The following TRPV3 variants were observed in gnomAD, a reference collection of about 807,000 sequenced individuals.
TRPV3 encodes the protein VRL-3.
In TRPV3, 88 loss-of-function variants were observed where a neutral mutation model predicts 87.1. The ratio of observed to expected loss-of-function variants is 1.01; its 90% CI spans 0.85 to 1.21. The LOEUF is 1.21. TRPV3 is among the 50% of genes most tolerant of loss of function. TRPV3 has a pLI of 0.00. For missense variants in TRPV3, 1,054 were observed against 1,030.1 expected, an observed-to-expected ratio of 1.02 and a Z score of -0.32; for synonymous variants, 438 against 423.3, an observed-to-expected ratio of 1.03 and a Z score of -0.43.
In TRPV3 at chr17:3,526,926, C is replaced by A. The variant is rs1366363713; in HGVS notation, c.1505G>T (p.Gly502Val). The A allele has an allele frequency of 1.9e-6, 3 of 1,610,502 alleles. No homozygotes were observed. The highest frequency in any genetic ancestry group is 1.7e-5 in the Admixed American group (1 of 59,524). ...GGGTCTCAGCAGGAAGATGGCAATG[C>A]CCTAAGGCCAGGAAGGAAAGAAACA... ...IWAMCISVKE[G>V]IAIFLLRPSD... Residue 502 changes from glycine to valine, a missense_variant and splice_region_variant, in exon 12 of 18, where the codon GGC (glycine) becomes GTC (valine). Coordinates refer to ENST00000576742, the MANE Select transcript of TRPV3 (RefSeq NM_145068.4).
rs143393283 is a variant in TRPV3, at chr17:3,549,236, T to G, written c.120-3965A>C. On this transcript the variant is annotated intron_variant, in intron 2 of 17. Coordinates refer to ENST00000576742, the MANE Select transcript of TRPV3 (RefSeq NM_145068.4). ...CCCTACCTGTCTGCATTCCTCAGTGTTGCATTTACTCAACAAATATTTATT... is the reference window on the plus strand; with the variant it reads ...CCCTACCTGTCTGCATTCCTCAGTGGTGCATTTACTCAACAAATATTTATT... 1.6e-3 allele frequency among the ~76,000 whole-genome samples: 247 copies of G among 152,308 alleles called. 1 individual carries two copies. The highest frequency in any genetic ancestry group is 5.2e-3 in the African/African-American group (217 of 41,562).
rs369153784 is a variant in TRPV3 at position 3,530,026 on chromosome 17, C to T, written c.1242+1G>A. On this transcript the variant is annotated splice_donor_variant, in intron 9 of 17. Coordinates refer to ENST00000576742, the MANE Select transcript of TRPV3 (RefSeq NM_145068.4). LOFTEE classifies it high-confidence loss of function. This position sits in a 1 kb window ranked among gnomAD's most constrained non-coding sequence, Gnocchi z 4.0. ...CTTCCCCGCCTGTGCAGGAGACCCACGTCGATGTTGGTGTTGTAGACAGTG... is the reference window on the plus strand; with the variant it reads ...CTTCCCCGCCTGTGCAGGAGACCCATGTCGATGTTGGTGTTGTAGACAGTG... 59 of 1,610,938 alleles carry T rather than the reference C, an allele frequency of 3.7e-5. 2 individuals carry two copies. The highest frequency in any genetic ancestry group is 3.3e-4 in the Middle Eastern group (2 of 6,048).
rs557070749 is a variant in TRPV3, at chr17:3,528,415, T to G, written c.1402-289A>C. Reference sequence around the variant, plus strand: ...CCGGAACCCATCCATATCCAGGCACTCAACATGGCCTCACAGCACCGTTAA... The same window carrying G: ...CCGGAACCCATCCATATCCAGGCACGCAACATGGCCTCACAGCACCGTTAA... On this transcript the variant is annotated intron_variant, in intron 10 of 17. Transcript: ENST00000576742. The surrounding 1 kb of genome is among the most constrained non-coding windows in gnomAD (Gnocchi z 4.2). 6.6e-6 allele frequency among the ~76,000 whole-genome samples: 1 copy of G among 152,240 alleles called. No individual in the cohort carries two copies. Among genetic ancestry groups the G allele is most frequent in the Admixed American group, 6.5e-5 (1 of 15,294 alleles).
chr17:3,544,719 G>C lies in TRPV3; in HGVS notation c.225-54C>G, dbSNP rs978426011. On this transcript the variant is annotated intron_variant, in intron 3 of 17. Transcript: ENST00000576742. ...GGGTTTTAAAGTTTTAAAATGGGCC[G>C]GGTGAGGTGGCTCATGCATGTAATC... 3.0e-6 allele frequency: 4 copies of C among 1,320,402 alleles called. No individual in the cohort carries two copies. In the African/African-American group the frequency reaches 4.3e-5, roughly 14 times the overall value. 81.8% of individuals were successfully genotyped at this position (1,320,402 alleles called of 1,614,324 possible).
chr17:3,554,414 T>A (rs891244772), intron 2 of TRPV3: 1 of 259,816 alleles, frequency 3.8e-6, no homozygotes, highest in Non-Finnish European at 7.3e-6. Flanking sequence ...ATTTTGCTCC[T>A]CGTCTCAAGG....
intron 2 of TRPV3, among the ~76,000 whole-genome samples, chr17:3,550,525 T>C (rs2074564123): frequency 7.1e-6 from 1 of 140,304 alleles, no homozygotes; most frequent in Admixed American, 7.1e-5. Flanking sequence ...CTGCTCTTTT[T>C]TTTTTTTTTT....
chr17:3,538,082 C>T (rs2074424555), intron 6 of TRPV3, among the ~76,000 whole-genome samples: 2 of 151,488 alleles, frequency 1.3e-5, no homozygotes, highest in African/African-American at 4.9e-5. Context: ...CCTGTAGTCC[C>T]AGCTACTCGG....
At chr17:3,548,872 T>C (rs1054235225) in intron 2 of TRPV3, among the ~76,000 whole-genome samples, 3 of 152,164 alleles carry the variant, frequency 2.0e-5, no homozygotes. Context: ...CCTGAATGGA[T>C]GATGGTTGGG....
chr17:3,542,070 C>A (rs1018337592), intron 6 of TRPV3, among the ~76,000 whole-genome samples: 9 of 152,170 alleles, frequency 5.9e-5, no homozygotes, highest in Non-Finnish European at 1.2e-4. Context: ...GATTCTCCTG[C>A]CTCAGCCTCC....
rs769993887 is a variant in TRPV3 at position 3,521,066 on chromosome 17, T to C, written c.1744-27A>G. ...TATAAGGAAATAAACATAATTCAAGTGTAAGGTGCAAGCACATATTCACGG... is the reference window on the plus strand; with the variant it reads ...TATAAGGAAATAAACATAATTCAAGCGTAAGGTGCAAGCACATATTCACGG... On this transcript the variant is annotated intron_variant, in intron 13 of 17. Transcript: ENST00000576742. 3.2e-5 allele frequency: 49 copies of C among 1,528,630 alleles called. 1 individual carries two copies. Among genetic ancestry groups the C allele is most frequent in the East Asian group, 1.6e-4 (7 of 43,214 alleles). 94.7% of individuals were successfully genotyped at this position (1,528,630 alleles called of 1,614,324 possible).
At chr17:3,549,284 A>G (rs2074551283) in intron 2 of TRPV3, among the ~76,000 whole-genome samples, 1 of 152,172 alleles carries the variant, frequency 6.6e-6, no homozygotes. Flanking sequence ...TGTGCCAGGC[A>G]CTGTTTCTGC....
At chr17:3,544,253 T>C (rs2074500062) in intron 4 of TRPV3, among the ~76,000 whole-genome samples, 1 of 152,278 alleles carries the variant, frequency 6.6e-6, no homozygotes, top group African/African-American at 2.4e-5. Flanking sequence ...GTGATCCTCC[T>C]GCCGCAGCCT....
chr17:3,544,297 C>T (rs931182739), intron 4 of TRPV3, among the ~76,000 whole-genome samples: 2 of 83,824 alleles, frequency 2.4e-5, no homozygotes, highest in South Asian at 4.4e-4. Flanking sequence ...ATGAGCCCTG[C>T]ACCTGGCTAT....
At position 3,513,891 on chromosome 17, in the gene TRPV3, G is replaced by GC. The variant is rs575765196; in HGVS notation, c.*25dup. On this transcript the variant is annotated 3_prime_UTR_variant, in exon 18 of 18. Transcript: ENST00000576742. The stretch of plus-strand genomic sequence containing the variant: ...CCGCCTGCAGCGCCAGACAGCGCAC[G>GC]CGCACACCAGCTCTGGGTTCCGCTT... 6.4e-3 allele frequency: 10,252 copies of GC among 1,595,776 alleles called. 40 individuals carry two copies. The highest frequency in any genetic ancestry group is 7.0e-3 in the Non-Finnish European group (8,104 of 1,163,668).
intron 11 of TRPV3, 55 bp downstream of exon 11, chr17:3,527,970 G>C: frequency 7.4e-7 from 1 of 1,359,076 alleles, no homozygotes; most frequent in Non-Finnish European, 1.0e-6. Flanking sequence ...AGGGATGGAG[G>C]CTGTCACCTG....
At chr17:3,522,649 A>G (rs566620388) in intron 13 of TRPV3, among the ~76,000 whole-genome samples, 7 of 146,126 alleles carry the variant, frequency 4.8e-5, no homozygotes, top group African/African-American at 1.5e-4. Context: ...GCGAAACCCC[A>G]TCTCTACTAA....
At chr17:3,545,028 T>C in intron 3 of TRPV3, 139 bp downstream of exon 3, 2 of 582,164 alleles carry the variant, frequency 3.4e-6, no homozygotes, top group Non-Finnish European at 6.0e-6. Context: ...AGATAAATAA[T>C]AATAATAAAG....
chr17:3,521,120 T>TCCCA, intron 13 of TRPV3, 81 bp from the exon 14 acceptor site: 1 of 417,782 alleles, frequency 2.4e-6, no homozygotes, highest in South Asian at 2.0e-5. Context: ...TCCCACCCTC[T>TCCCA]CCCACCCCCC....
chr17:3,514,423 T>C, intron 17 of TRPV3, 170 bp downstream of exon 17: 1 of 609,742 alleles, frequency 1.6e-6, no homozygotes, highest in South Asian at 2.0e-5. Context: ...ATTTTAAAAG[T>C]TGTGCCAACT....
Sources: allele counts gnomAD v4.1 joint callset (sites outside exome capture counted in the v4.1 genomes callset), GRCh38; gene constraint gnomAD v4.1.1; non-coding constraint Gnocchi (gnomAD v3.1); transcripts MANE v1.5; gene names NCBI Gene and HGNC (gene_info 2026-07-23, HGNC 2026-07-21).